POLD3: variants seen among roughly 807,000 people sequenced by gnomAD.
POLD3 encodes DNA polymerase delta 3, accessory subunit, also known as DNA polymerase delta subunit 3.
In POLD3, 19 loss-of-function variants were observed where a neutral mutation model predicts 58.2. The ratio of observed to expected loss-of-function variants is 0.33; its 90% CI spans 0.23 to 0.48. The LOEUF (loss-of-function observed/expected upper bound fraction) is 0.48. POLD3 is among the 20% of genes least tolerant of loss of function. The probability of loss-of-function intolerance (pLI) is 0.99; values close to 1 mark genes in which losing one functional copy is unlikely to be tolerated. For missense variants in POLD3, 504 were observed against 545.5 expected, an observed-to-expected ratio of 0.92 and a Z score of 0.76; for synonymous variants, 172 against 193.5, an observed-to-expected ratio of 0.89 and a Z score of 0.92.
intron 2 of POLD3, 48 bp downstream of exon 2, chr11:74,594,164 G>C: frequency 8.8e-7 from 1 of 1,132,438 alleles, no homozygotes; most frequent in Non-Finnish European, 1.3e-6. Context: ...ATTTTTTTTT[G>C]TTTTGTTATG....
intron 11 of POLD3, among the ~76,000 whole-genome samples, chr11:74,639,207 T>A (rs1055502602): frequency 2.6e-5 from 4 of 152,142 alleles, no homozygotes; most frequent in African/African-American, 9.7e-5. Context: ...AGTCTGAAAC[T>A]TGAGAAACAG....
chr11:74,646,890 G>A (rs116883208), downstream of POLD3, among the ~76,000 whole-genome samples: 416 of 152,284 alleles, frequency 2.7e-3, 1 homozygote, highest in South Asian at 8.3e-3. Flanking sequence ...GCATAATGAC[G>A]GTACAGTGCA....
intron 2 of POLD3, among the ~76,000 whole-genome samples, chr11:74,597,160 G>C (rs1483027298): frequency 6.6e-6 from 1 of 152,112 alleles, no homozygotes; most frequent in African/African-American, 2.4e-5. Context: ...GATATTTTGA[G>C]GAACCTCCAT....
downstream of POLD3, among the ~76,000 whole-genome samples, chr11:74,644,699 C>G (rs2032978570): frequency 6.6e-6 from 1 of 152,170 alleles, no homozygotes; most frequent in South Asian, 2.1e-4. Context: ...CTACTTCAAA[C>G]CCTTAATGTT....
At chr11:74,632,089 T>C (rs2032611644) in intron 9 of POLD3, among the ~76,000 whole-genome samples, 1 of 152,224 alleles carries the variant, frequency 6.6e-6, no homozygotes, top group Non-Finnish European at 1.5e-5. Flanking sequence ...ACTGATATAG[T>C]TAAGTCTTTG....
chr11:74,604,653 T>TA (rs1391465258), intron 2 of POLD3, 39 bp from the exon 3 acceptor site: 2 of 1,044,296 alleles, frequency 1.9e-6, no homozygotes, highest in Non-Finnish European at 3.0e-6. Context: ...TAAAAACTCT[T>TA]ACTGATGTCT....
intron 4 of POLD3, among the ~76,000 whole-genome samples, chr11:74,666,883 G>C (rs1418052824): frequency 6.6e-6 from 1 of 150,806 alleles, no homozygotes; most frequent in Non-Finnish European, 1.5e-5. Context: ...CATAACAATA[G>C]GTATCTAGAT....
In POLD3 at chr11:74,594,123, C is replaced by T. The variant is rs747404540; in HGVS notation, c.116+7C>T. The T allele has an allele frequency of 4.6e-6, 7 of 1,535,814 alleles. No homozygotes were observed. The African/African-American group carries it at 9.5e-5, about 21-fold the overall frequency. ...ATGTTAACCAGGCCAAACAGTAAGT[C>T]CAATTTACTACCAATTTTAATCATA... On this transcript the variant is annotated splice_region_variant and intron_variant, in intron 2 of 11. Transcript: ENST00000263681.
At chr11:74,627,138 A>G (rs1268101624) in intron 8 of POLD3, among the ~76,000 whole-genome samples, 1 of 152,150 alleles carries the variant, frequency 6.6e-6, no homozygotes, top group African/African-American at 2.4e-5. Context: ...ATCATAAGAG[A>G]TGACAGCTTC....
At chr11:74,620,605 T>C (rs1276850115) in intron 7 of POLD3, among the ~76,000 whole-genome samples, 1 of 152,208 alleles carries the variant, frequency 6.6e-6, no homozygotes, top group East Asian at 1.9e-4. Flanking sequence ...AATGGACATT[T>C]AAAAATCTTT....
At chr11:74,623,392 G>A (rs1271315324) in intron 7 of POLD3, among the ~76,000 whole-genome samples, 3 of 152,140 alleles carry the variant, frequency 2.0e-5, no homozygotes, top group African/African-American at 7.2e-5. Context: ...CCGAGATCAC[G>A]CCACCGCGCT....
chr11:74,647,618 G>A (rs947082893), downstream of POLD3, among the ~76,000 whole-genome samples: 9 of 152,262 alleles, frequency 5.9e-5, no homozygotes, highest in African/African-American at 2.2e-4. Flanking sequence ...GTCATTAAAT[G>A]CTTGCTTATT....
At chr11:74,611,110 A>G (rs1325349871) in intron 3 of POLD3, among the ~76,000 whole-genome samples, 1 of 152,142 alleles carries the variant, frequency 6.6e-6, no homozygotes, top group African/African-American at 2.4e-5. Context: ...TCCATTTAGA[A>G]TTTATTTTGG....
At chr11:74,596,016 T>A (rs1031427481) in intron 2 of POLD3, among the ~76,000 whole-genome samples, 1 of 132,118 alleles carries the variant, frequency 7.6e-6, no homozygotes, top group Non-Finnish European at 1.5e-5. Context: ...AATGATTAAA[T>A]TTTTTTTAAT....
At chr11:74,604,939 T>A in intron 3 of POLD3, 145 bp downstream of exon 3, 1 of 572,984 alleles carries the variant, frequency 1.7e-6, no homozygotes, top group Non-Finnish European at 3.1e-6. Context: ...TATTTTGGAT[T>A]TTTAGATTAA....
At chr11:74,623,391 C>T (rs1018069293) in intron 7 of POLD3, among the ~76,000 whole-genome samples, 1 of 152,128 alleles carries the variant, frequency 6.6e-6, no homozygotes, top group Non-Finnish European at 1.5e-5. Context: ...GCCGAGATCA[C>T]GCCACCGCGC....
intron 3 of POLD3, among the ~76,000 whole-genome samples, chr11:74,609,753 C>T (rs1050670167): frequency 6.6e-6 from 1 of 152,050 alleles, no homozygotes; most frequent in African/African-American, 2.4e-5. Flanking sequence ...TGTTTTCATA[C>T]GTGCAAACTA....
At chr11:74,598,891 C>T (rs1341331177) in intron 2 of POLD3, among the ~76,000 whole-genome samples, 1 of 152,074 alleles carries the variant, frequency 6.6e-6, no homozygotes, top group Non-Finnish European at 1.5e-5. Flanking sequence ...CTCTACTTCT[C>T]AATGAGAGAA....
rs777292433 is a variant in POLD3 at position 74,634,640 on chromosome 11, C to T, written c.1064C>T (p.Pro355Leu). The change falls in exon 10 of 12, where the codon CCG becomes CTG. Residue 355 changes from proline to leucine, a missense_variant. Pro to Leu is a moderately conservative substitution (Grantham distance 98, BLOSUM62 -3). Around this residue, in one of 2 missense-constraint regions of POLD3, gnomAD observed 385 missense variants for 370.5 expected, o/e 1.04. Coordinates refer to ENST00000263681, the MANE Select transcript of POLD3 (RefSeq NM_006591.3). ...GAGTCACCATCCCCACCTCCTCCTC[C>T]GTCTCCACCTCTTGAACCAGTGCCA... ...EAESPSPPPPPSPPLEPVPKT... is the reference protein window; with the variant it reads ...EAESPSPPPPLSPPLEPVPKT... 50 of 1,613,210 alleles carry T rather than the reference C, an allele frequency of 3.1e-5. No individual in the cohort carries two copies. In the Admixed American group the frequency reaches 4.3e-4, roughly 14 times the overall value.
Sources: allele counts gnomAD v4.1 joint callset (sites outside exome capture counted in the v4.1 genomes callset), GRCh38; gene constraint gnomAD v4.1.1; regional missense constraint gnomAD v4.1.1; transcripts MANE v1.5; gene names NCBI Gene and HGNC (gene_info 2026-07-23, HGNC 2026-07-21).